HMCN1: variants seen among roughly 807,000 people sequenced by gnomAD.
HMCN1 encodes hemicentin 1.
Under a neutral mutation model 625.9 loss-of-function variants are expected in HMCN1, and 321 were observed. That is an observed-to-expected ratio of 0.51 (90% CI 0.47 to 0.56). HMCN1 has a LOEUF of 0.56. HMCN1 is among the 20% of genes least tolerant of loss of function. The pLI, the probability that HMCN1 is intolerant of heterozygous loss-of-function variation, is 0.00. For missense variants in HMCN1, 6,588 were observed against 6,887.3 expected (o/e 0.96, Z 1.54); for synonymous variants, 2,425 against 2,417.6 (o/e 1.00, Z -0.09).
At chr1:185,976,554 A>G (rs535485376) in intron 15 of HMCN1, among the ~76,000 whole-genome samples, 145 of 152,188 alleles carry the variant, frequency 9.5e-4, no homozygotes, top group Admixed American at 4.6e-3. Context: ...GAGAACCCAT[A>G]GAAAAGGGGA....
intron 6 of HMCN1, among the ~76,000 whole-genome samples, chr1:185,912,161 T>C (rs1214297785): frequency 6.6e-6 from 1 of 152,182 alleles, no homozygotes; most frequent in African/African-American, 2.4e-5. Context: ...CACCACGCCT[T>C]AACGGCTGCA....
At chr1:185,943,866 C>T (rs1395740412) in intron 11 of HMCN1, among the ~76,000 whole-genome samples, 1 of 152,126 alleles carries the variant, frequency 6.6e-6, no homozygotes, top group Non-Finnish European at 1.5e-5. Flanking sequence ...CCCGCCATCC[C>T]CCAGTCATTT....
chr1:186,095,648 TAA>T, intron 68 of HMCN1, 127 bp downstream of exon 68: 2 of 962,476 alleles, frequency 2.1e-6, no homozygotes, highest in South Asian at 1.8e-5. Context: ...TATTGCATTT[TAA>T]TTTTTTTTAT....
intron 4 of HMCN1, among the ~76,000 whole-genome samples, chr1:185,896,589 A>G (rs1665502749): frequency 6.6e-6 from 1 of 152,204 alleles, no homozygotes; most frequent in African/African-American, 2.4e-5. Context: ...TGAAGAGGTA[A>G]TATAAAATAA....
chr1:186,003,091 T>C (rs1653305636), intron 28 of HMCN1, among the ~76,000 whole-genome samples: 1 of 151,982 alleles, frequency 6.6e-6, no homozygotes, highest in Non-Finnish European at 1.5e-5. Flanking sequence ...TACATCCCAC[T>C]CCTCCCCTAC....
chr1:185,811,777 G>T (rs964291180), intron 1 of HMCN1, among the ~76,000 whole-genome samples: 1 of 149,680 alleles, frequency 6.7e-6, no homozygotes, highest in Non-Finnish European at 1.5e-5. Context: ...TGCCTTCATT[G>T]GATTGTTTTA....
chr1:185,941,046 G>A (rs546431403), intron 11 of HMCN1, among the ~76,000 whole-genome samples: 77 of 152,222 alleles, frequency 5.1e-4, no homozygotes, highest in African/African-American at 1.6e-3. Flanking sequence ...TAGTAGAGAC[G>A]GTGTTTCACC....
At chr1:185,864,377 C>G in intron 2 of HMCN1, 93 bp from the exon 3 acceptor site, 1 of 1,191,262 alleles carries the variant, frequency 8.4e-7, no homozygotes, top group Non-Finnish European at 1.2e-6. Context: ...GGAAAACTTG[C>G]TCGTTCTAAA....
At chr1:185,745,032 T>A (rs1275700591) in intron 1 of HMCN1, among the ~76,000 whole-genome samples, 1 of 152,010 alleles carries the variant, frequency 6.6e-6, no homozygotes, top group Admixed American at 6.5e-5. Flanking sequence ...GGACTGGACA[T>A]GGTCCTAAGA....
chr1:186,186,474 C>T (rs1653313059), intron 105 of HMCN1, among the ~76,000 whole-genome samples: 1 of 152,172 alleles, frequency 6.6e-6, no homozygotes, highest in Non-Finnish European at 1.5e-5. Flanking sequence ...TTGCAATGAG[C>T]TGAGATTGCA....
chr1:185,766,375 C>T (rs1172155076), intron 1 of HMCN1, among the ~76,000 whole-genome samples: 1 of 152,038 alleles, frequency 6.6e-6, no homozygotes, highest in Admixed American at 6.6e-5. Context: ...CCAACTTGAG[C>T]CCAAGGCCTA....
intron 1 of HMCN1, among the ~76,000 whole-genome samples, chr1:185,756,184 C>A (rs188923868): frequency 5.3e-4 from 80 of 152,172 alleles, no homozygotes; most frequent in Non-Finnish European, 8.5e-4. Flanking sequence ...TACAGGATAA[C>A]CATGGTGAAA....
intron 2 of HMCN1, among the ~76,000 whole-genome samples, chr1:185,861,899 C>G (rs1662896167): frequency 6.6e-6 from 1 of 152,116 alleles, no homozygotes; most frequent in South Asian, 2.1e-4. Context: ...GTGCTATGAA[C>G]TGAGGATTCA....
chr1:186,095,516 TC>T lies in HMCN1; in HGVS notation c.10570del (p.Leu3524Ter). 1 of 1,613,370 alleles carries T rather than the reference TC, an allele frequency of 6.2e-7. No individual in the cohort carries two copies. The highest frequency in any genetic ancestry group is 8.5e-7 in the Non-Finnish European group (1 of 1,179,534). On this transcript the variant is annotated frameshift_variant, in exon 68 of 107. Coordinates refer to ENST00000271588, the MANE Select transcript of HMCN1 (RefSeq NM_031935.3). LOFTEE classifies it high-confidence loss of function. ...GTCAGCAAGCACTTTATCCTCAAGGTCCTAGGTATGTAAACATTGTGGTAAA... is the reference window on the plus strand; with the variant it reads ...GTCAGCAAGCACTTTATCCTCAAGGTCTAGGTATGTAAACATTGTGGTAAA... Reference protein sequence around the residue: ...GEVSKHFILKVLEPPHINGSE... With the variant: ...GEVSKHFILKXLEPPHINGSE...
At chr1:186,183,436 T>C (rs1317245714) in intron 105 of HMCN1, among the ~76,000 whole-genome samples, 3 of 152,156 alleles carry the variant, frequency 2.0e-5, no homozygotes, top group Non-Finnish European at 2.9e-5. Context: ...AGATGAAACA[T>C]GAAGTTGAGT....
At chr1:185,958,348 G>A (rs1016157073) in intron 11 of HMCN1, among the ~76,000 whole-genome samples, 2 of 152,000 alleles carry the variant, frequency 1.3e-5, no homozygotes, top group Non-Finnish European at 2.9e-5. Context: ...TGAACTCCTG[G>A]GTTCAAGTGA....
chr1:185,802,056 C>T (rs1658831480), intron 1 of HMCN1, among the ~76,000 whole-genome samples: 1 of 151,922 alleles, frequency 6.6e-6, no homozygotes, highest in South Asian at 2.1e-4. Context: ...ATAAAAAGGA[C>T]TAAGGTTGTG....
intron 42 of HMCN1, among the ~76,000 whole-genome samples, chr1:186,049,858 A>T (rs989004163): frequency 6.6e-6 from 1 of 151,952 alleles, no homozygotes; most frequent in Non-Finnish European, 1.5e-5. Flanking sequence ...ATCTTTTAAA[A>T]ATCCTTCAGG....
At chr1:186,037,169 A>G (rs1044713980) in intron 36 of HMCN1, among the ~76,000 whole-genome samples, 2 of 150,668 alleles carry the variant, frequency 1.3e-5, no homozygotes, top group Admixed American at 6.6e-5. Flanking sequence ...TTTTTTTTCT[A>G]TCAACTTCAG....
Sources: allele counts gnomAD v4.1 joint callset (sites outside exome capture counted in the v4.1 genomes callset), GRCh38; gene constraint gnomAD v4.1.1; transcripts MANE v1.5; gene names NCBI Gene and HGNC (gene_info 2026-07-23, HGNC 2026-07-21).